Variants in NBEAL1 observed in about 807,000 individuals in gnomAD.
The protein encoded by NBEAL1 is neurobeachin like 1, also known as neurobeachin-like protein 1.
NBEAL1 carries 273 observed loss-of-function variants against 351.3 expected under a neutral mutation model. The observed-to-expected ratio is 0.78, with a 90% CI of 0.70 to 0.86. NBEAL1 has a LOEUF of 0.86. Among genes scored for constraint, NBEAL1 ranks in the 40% least tolerant of loss-of-function variants. The pLI is 0.00. For synonymous variants in NBEAL1, 1,050 were observed against 1,086.4 expected, an observed-to-expected ratio of 0.97 and a Z score of 0.66; for missense variants, 2,961 against 3,201.3, an observed-to-expected ratio of 0.92 and a Z score of 1.81.
At chr2:203,122,875 T>C (rs1015656346) in intron 19 of NBEAL1, among the ~76,000 whole-genome samples, 76 of 152,112 alleles carry the variant, frequency 5.0e-4, no homozygotes, top group Non-Finnish European at 1.9e-4. Context: ...GAAGGAAGGG[T>C]CACTGCTTTT....
intron 26 of NBEAL1, 43 bp downstream of exon 26, chr2:203,132,175 T>C: frequency 7.7e-7 from 1 of 1,299,790 alleles, no homozygotes; most frequent in Admixed American, 2.9e-5. Flanking sequence ...AAGAAATGTT[T>C]TTTCCTGTAA....
chr2:203,208,707 G>A lies in NBEAL1; in HGVS notation c.7577G>A (p.Ser2526Asn). Residue 2526 changes from serine to asparagine, a missense_variant, in exon 52 of 56, where the codon AGT (serine) becomes AAT (asparagine). Transcript: ENST00000683969. ...TATGGACACACCAACGAGGTACTGA[G>A]TGTCGGCATCAGCACTGAGCTAGAC... The part of the protein sequence containing the change: ...ILYGHTNEVL[S>N]VGISTELDMA... The A allele has an allele frequency of 6.2e-7, 1 of 1,612,772 alleles. No homozygotes were observed. The highest frequency in any genetic ancestry group is 8.5e-7 in the Non-Finnish European group (1 of 1,179,732).
chr2:203,040,195 C>T (rs2061116964), intron 2 of NBEAL1: 1 of 1,480,190 alleles, frequency 6.8e-7, no homozygotes, highest in Non-Finnish European at 9.3e-7. Flanking sequence ...CAAAGCCACT[C>T]AGGCAAAGCA....
chr2:203,116,789 C>CAAAA (rs34559564), intron 18 of NBEAL1, among the ~76,000 whole-genome samples: 1 of 100,690 alleles, frequency 9.9e-6, no homozygotes. Flanking sequence ...GACCCTGTCT[C>CAAAA]AAAAAAAAAA....
Position 203,167,267 on chromosome 2 carries a change from A to G in NBEAL1, c.5904A>G (p.Arg1968=). 2 of 1,611,780 alleles carry G rather than the reference A, an allele frequency of 1.2e-6. No individual in the cohort carries two copies. Among genetic ancestry groups the G allele is most frequent in the Non-Finnish European group, 1.7e-6 (2 of 1,179,092 alleles). Residue 1968 remains arginine, a synonymous_variant, in exon 38 of 56, where the codon CGA becomes CGG. Coordinates refer to ENST00000683969, the MANE Select transcript of NBEAL1 (RefSeq NM_001378026.1). ...TCAAGTGGCCTCATTCTCAAATTCGAGAGATTCATCTCCGGCGTTACAATT... is the reference window on the plus strand; with the variant it reads ...TCAAGTGGCCTCATTCTCAAATTCGGGAGATTCATCTCCGGCGTTACAATT... The part of the protein sequence containing the change: ...FDFKWPHSQI[R]EIHLRRYNLR...
intron 33 of NBEAL1, 100 bp downstream of exon 33, chr2:203,145,260 A>G: frequency 3.0e-6 from 3 of 995,824 alleles, no homozygotes; most frequent in Non-Finnish European, 4.2e-6. Context: ...AACAAGCAGT[A>G]TTTCTTTTAT....
intron 52 of NBEAL1, 30 bp downstream of exon 52, chr2:203,208,783 T>C: frequency 6.8e-7 from 1 of 1,473,012 alleles, no homozygotes; most frequent in Non-Finnish European, 9.3e-7. Context: ...AAATACTATT[T>C]ATTTTGTCTA....
At chr2:203,190,189 CACACACACACACACACACA>C in intron 45 of NBEAL1, 84 bp from the exon 46 acceptor site, 10 of 608,732 alleles carry the variant, frequency 1.6e-5, no homozygotes, top group Admixed American at 2.7e-5. Context: ...CACACACACA[CACACACACACACACACACA>C]CCAATGAGCC....
intron 18 of NBEAL1, among the ~76,000 whole-genome samples, chr2:203,117,325 C>T (rs999059486): frequency 5.9e-5 from 9 of 151,340 alleles, no homozygotes; most frequent in Middle Eastern, 3.4e-3. Flanking sequence ...TAGCCAGGCG[C>T]GGTGGCGGGC....
At chr2:203,217,159 TTTC>T in intron 55 of NBEAL1, 91 bp from the exon 56 acceptor site, 1 of 924,212 alleles carries the variant, frequency 1.1e-6, no homozygotes, top group Non-Finnish European at 1.5e-6. Flanking sequence ...TAACAATTTG[TTTC>T]TTTTCACTCT....
intron 36 of NBEAL1, among the ~76,000 whole-genome samples, chr2:203,160,899 C>T (rs2063935374): frequency 6.6e-6 from 1 of 151,950 alleles, no homozygotes; most frequent in Non-Finnish European, 1.5e-5. Flanking sequence ...TTGTGTTTAA[C>T]CCCCCCGATC....
At chr2:203,138,369 A>C in intron 30 of NBEAL1, 54 bp downstream of exon 30, 1 of 1,547,540 alleles carries the variant, frequency 6.5e-7, no homozygotes, top group Non-Finnish European at 8.7e-7. Flanking sequence ...ACTTTATTCA[A>C]AGAAAAATTT....
At chr2:203,141,366 ATTTTTTTTTTTTTTT>A (rs71034219) in intron 31 of NBEAL1, among the ~76,000 whole-genome samples, 5 of 9,098 alleles carry the variant, frequency 5.5e-4, no homozygotes, top group South Asian at 5.3e-3. Context: ...TATTATTATT[ATTTTTTTTTTTTTTT>A]TTTTTTTTTT....
chr2:203,083,189 G>A (rs1344411304), intron 8 of NBEAL1, 30 bp from the exon 9 acceptor site: 1 of 1,517,580 alleles, frequency 6.6e-7, no homozygotes, highest in Non-Finnish European at 8.9e-7. Flanking sequence ...TTAGGTTTAG[G>A]TTTCATTTTT....
At chr2:203,176,058 C>A (rs1161401461) in intron 42 of NBEAL1, among the ~76,000 whole-genome samples, 1 of 152,190 alleles carries the variant, frequency 6.6e-6, no homozygotes, top group East Asian at 1.9e-4. Context: ...TCCCATGTAA[C>A]CTTTGATGGT....
At chr2:203,105,593 T>C (rs551394549) in intron 12 of NBEAL1, among the ~76,000 whole-genome samples, 7 of 152,230 alleles carry the variant, frequency 4.6e-5, no homozygotes, top group African/African-American at 1.4e-4. Context: ...GTGCCGATTT[T>C]CACTATGTAA....
At chr2:203,184,848 GC>G (rs1324706611) in intron 44 of NBEAL1, among the ~76,000 whole-genome samples, 1 of 151,114 alleles carries the variant, frequency 6.6e-6, no homozygotes, top group East Asian at 1.9e-4. Context: ...GATCACTTGA[GC>G]CCAGGAGTTT....
At chr2:203,101,323 A>G (rs1331067233) in intron 12 of NBEAL1, among the ~76,000 whole-genome samples, 1 of 151,924 alleles carries the variant, frequency 6.6e-6, no homozygotes, top group Non-Finnish European at 1.5e-5. Flanking sequence ...GTGCAGCATT[A>G]TTTCTGGGCT....
intron 48 of NBEAL1, 88 bp from the exon 49 acceptor site, chr2:203,199,250 A>G (rs1411189597): frequency 2.7e-5 from 19 of 712,662 alleles, no homozygotes; most frequent in Non-Finnish European, 4.4e-5. Flanking sequence ...CTAAGTGATA[A>G]ATGCCAATGT....
Sources: allele counts gnomAD v4.1 joint callset (sites outside exome capture counted in the v4.1 genomes callset), GRCh38; gene constraint gnomAD v4.1.1; transcripts MANE v1.5; gene names NCBI Gene and HGNC (gene_info 2026-07-23, HGNC 2026-07-21).